MAPKAP1: variants seen among roughly 807,000 people sequenced by gnomAD.
MAPKAP1 encodes the protein MAPK associated protein 1, also known as target of rapamycin complex 2 subunit MAPKAP1.
MAPKAP1 carries 20 observed loss-of-function variants against 65.7 expected under a neutral mutation model. The ratio of observed to expected loss-of-function variants is 0.30; its 90% CI spans 0.21 to 0.44. The LOEUF (loss-of-function observed/expected upper bound fraction) is 0.44, where lower values mean the gene tolerates loss of function less well. Ranked by LOEUF, MAPKAP1 falls within the 20% of genes least tolerant of loss-of-function variation. The pLI, the probability that MAPKAP1 is intolerant of heterozygous loss-of-function variation, is 1.00. For missense variants in MAPKAP1, 423 were observed against 648.0 expected (o/e 0.65, Z 3.77); for synonymous variants, 222 against 244.3 (o/e 0.91, Z 0.85).
rs1026323031 is a variant in MAPKAP1, at chr9:125,595,900, G to C, written c.499-10173C>G. On this transcript the variant is annotated intron_variant, in intron 4 of 11. Coordinates refer to ENST00000265960, the MANE Select transcript of MAPKAP1 (RefSeq NM_001006617.3). This position sits in a 1 kb window ranked among gnomAD's most constrained non-coding sequence, Gnocchi z 4.0. ...CAGCCATGAATGCAAGGCCACACAA[G>C]GTGGATCGGAGTTGTGGAACCAAAG... The C allele has an allele frequency of 1.1e-5, 14 of 1,235,884 alleles. No individual in the cohort carries two copies. Among genetic ancestry groups the C allele is most frequent in the Non-Finnish European group, 1.6e-5 (14 of 850,454 alleles). The allele number at this position is 1,235,884 out of a possible 1,614,324, so 76.6% of individuals were successfully genotyped here. A position where few individuals can be genotyped will look rare whatever the true frequency, so the allele number is the denominator to read the frequency against.
At chr9:125,451,855 G>A (rs1852965496) in intron 10 of MAPKAP1, among the ~76,000 whole-genome samples, 1 of 146,330 alleles carries the variant, frequency 6.8e-6, no homozygotes, top group African/African-American at 2.5e-5. Context: ...TATCCCCCAG[G>A]GTGGAGCGCA....
At chr9:125,650,073 T>C (rs542397877) in intron 4 of MAPKAP1, among the ~76,000 whole-genome samples, 2 of 152,302 alleles carry the variant, frequency 1.3e-5, no homozygotes, top group African/African-American at 2.4e-5. Flanking sequence ...GTTCTCTGCA[T>C]ACATCATCAA....
chr9:125,517,158 G>C (rs1371890343), intron 7 of MAPKAP1, among the ~76,000 whole-genome samples: 1 of 152,124 alleles, frequency 6.6e-6, no homozygotes, highest in South Asian at 2.1e-4. Context: ...ACTCTGCTCT[G>C]CTGTATCCCA....
At chr9:125,541,390 A>G (rs1830243613) in intron 7 of MAPKAP1, among the ~76,000 whole-genome samples, 1 of 152,202 alleles carries the variant, frequency 6.6e-6, no homozygotes, top group Admixed American at 6.5e-5. Flanking sequence ...TAAGAAGCTT[A>G]AAAAAGTTTC....
At chr9:125,670,657 A>G (rs964221356) in intron 2 of MAPKAP1, among the ~76,000 whole-genome samples, 3 of 152,222 alleles carry the variant, frequency 2.0e-5, no homozygotes, top group African/African-American at 7.2e-5. Context: ...AAAATTATGC[A>G]TTTGTGATTA....
At chr9:125,481,580 A>C (rs1854319411) in intron 9 of MAPKAP1, among the ~76,000 whole-genome samples, 1 of 151,650 alleles carries the variant, frequency 6.6e-6, no homozygotes, top group Non-Finnish European at 1.5e-5. Flanking sequence ...GCACCACCAC[A>C]CCTGGCTATT....
chr9:125,462,611 TCAG>T (rs1853540133), intron 10 of MAPKAP1, among the ~76,000 whole-genome samples: 1 of 152,238 alleles, frequency 6.6e-6, no homozygotes, highest in Admixed American at 6.5e-5. Context: ...CCCTGAGCCC[TCAG>T]GGTTTGTTTA....
chr9:125,550,392 T>C (rs554996859), intron 6 of MAPKAP1, among the ~76,000 whole-genome samples: 164 of 152,312 alleles, frequency 1.1e-3, no homozygotes, highest in South Asian at 2.5e-3. Context: ...ACCAATCACA[T>C]GGGCTCAGAA....
At chr9:125,450,526 T>C (rs1486699577) in intron 10 of MAPKAP1, among the ~76,000 whole-genome samples, 4 of 152,224 alleles carry the variant, frequency 2.6e-5, no homozygotes, top group Non-Finnish European at 4.4e-5. Flanking sequence ...CTGCATCTTA[T>C]TCCAACCAGT....
chr9:125,633,631 G>T (rs781132230), intron 4 of MAPKAP1, among the ~76,000 whole-genome samples: 2 of 152,106 alleles, frequency 1.3e-5, no homozygotes, highest in Admixed American at 6.5e-5. Context: ...AAATGCAGAG[G>T]TAATTATGTA....
intron 8 of MAPKAP1, among the ~76,000 whole-genome samples, chr9:125,503,363 G>C (rs1457332392): frequency 6.6e-6 from 1 of 152,206 alleles, no homozygotes; most frequent in African/African-American, 2.4e-5. Context: ...AGGCTGCACT[G>C]CCAGACAGGC....
At chr9:125,511,176 TC>T (rs1564536730) in intron 7 of MAPKAP1, among the ~76,000 whole-genome samples, 3 of 143,804 alleles carry the variant, frequency 2.1e-5, no homozygotes, top group Non-Finnish European at 4.6e-5. Flanking sequence ...ATCATCATCA[TC>T]ATCATCATCA....
intron 8 of MAPKAP1, among the ~76,000 whole-genome samples, chr9:125,491,589 C>A (rs1370087663): frequency 6.6e-6 from 1 of 151,758 alleles, no homozygotes; most frequent in Non-Finnish European, 1.5e-5. Flanking sequence ...CCAGCCTGGG[C>A]AACATGGCAA....
intron 5 of MAPKAP1, among the ~76,000 whole-genome samples, chr9:125,576,671 G>A (rs538293712): frequency 3.9e-5 from 6 of 152,356 alleles, no homozygotes; most frequent in African/African-American, 1.2e-4. Flanking sequence ...GGCGCACGCC[G>A]CCACACCTGA....
chr9:125,636,046 T>C (rs983080232), intron 4 of MAPKAP1, among the ~76,000 whole-genome samples: 3 of 152,210 alleles, frequency 2.0e-5, no homozygotes, highest in Non-Finnish European at 4.4e-5. Flanking sequence ...TGGGAACAGC[T>C]GCTGCTTTGA....
chr9:125,550,275 T>C (rs554977791), intron 6 of MAPKAP1, among the ~76,000 whole-genome samples: 11 of 152,152 alleles, frequency 7.2e-5, no homozygotes, highest in African/African-American at 1.2e-4. Flanking sequence ...TAGCCTGACA[T>C]GTACATAGCA....
At chr9:125,524,963 T>TGCTCTGAC (rs1251101790) in intron 7 of MAPKAP1, among the ~76,000 whole-genome samples, 1 of 152,238 alleles carries the variant, frequency 6.6e-6, no homozygotes, top group African/African-American at 2.4e-5. Context: ...GATGCTCTGC[T>TGCTCTGAC]GCTCTGACAA....
chr9:125,572,916 C>T (rs1831278712), intron 5 of MAPKAP1: 2 of 152,152 alleles, frequency 1.3e-5, no homozygotes, highest in Non-Finnish European at 2.9e-5. Flanking sequence ...TCTCAAAACT[C>T]AAGAGTTATG....
intron 10 of MAPKAP1, 60 bp downstream of exon 10, chr9:125,467,912 A>G (rs1853739236): frequency 6.4e-7 from 1 of 1,570,362 alleles, no homozygotes; most frequent in Non-Finnish European, 8.7e-7. Flanking sequence ...GGCACCCAGC[A>G]CACAGAAGAG....
Sources: allele counts gnomAD v4.1 joint callset (sites outside exome capture counted in the v4.1 genomes callset), GRCh38; gene constraint gnomAD v4.1.1; non-coding constraint Gnocchi (gnomAD v3.1); transcripts MANE v1.5; gene names NCBI Gene and HGNC (gene_info 2026-07-23, HGNC 2026-07-21).